ATP1A1: variants seen among roughly 807,000 people sequenced by gnomAD.
The protein encoded by ATP1A1 is sodium/potassium-transporting ATPase subunit alpha-1.
In ATP1A1, 14 loss-of-function variants were observed where a neutral mutation model predicts 114.8. The ratio of observed to expected loss-of-function variants is 0.12; its 90% CI spans 0.08 to 0.19. ATP1A1 has a LOEUF of 0.19. Ranked by LOEUF, ATP1A1 falls within the 10% of genes least tolerant of loss-of-function variation. ATP1A1 has a pLI of 1.00. For missense variants in ATP1A1, 524 were observed against 1,290.7 expected (o/e 0.41, Z 9.10); for synonymous variants, 471 against 466.3 (o/e 1.01, Z -0.13).
chr1:116,400,783 G>A (rs1409804481), intron 18 of ATP1A1, 78 bp from the exon 19 acceptor site: 5 of 1,540,766 alleles, frequency 3.2e-6, no homozygotes, highest in Non-Finnish European at 3.5e-6. Context: ...TCCCAGGCCT[G>A]CTGCAGTAAT....
Position 116,401,790 on chromosome 1 carries a change from G to A in ATP1A1, c.2951+135G>A, listed in dbSNP as rs1178356085. On this transcript the variant is annotated intron_variant, in intron 21 of 22. Transcript: ENST00000295598. This position sits in a 1 kb window ranked among gnomAD's most constrained non-coding sequence, Gnocchi z 4.7. Reference sequence around the variant, plus strand: ...AAAAATTCCTATGGGTTGGAAAACTGTGAAAGCTTGACATGTCAGTAAATC... The same window carrying A: ...AAAAATTCCTATGGGTTGGAAAACTATGAAAGCTTGACATGTCAGTAAATC... 1 of 792,242 alleles carries A rather than the reference G, an allele frequency of 1.3e-6. No individual in the cohort carries two copies. The highest frequency in any genetic ancestry group is 1.7e-5 in the African/African-American group (1 of 57,868). The allele number at this position is 792,242 out of a possible 1,614,324, so 49.1% of individuals were successfully genotyped here.
chr1:116,401,731 AGTT>A lies in ATP1A1; in HGVS notation c.2951+80_2951+82del. 2 of 1,445,768 alleles carry A rather than the reference AGTT, an allele frequency of 1.4e-6. No homozygotes were observed. The highest frequency in any genetic ancestry group is 1.4e-5 in the African/African-American group (1 of 70,640). The allele number at this position is 1,445,768 out of a possible 1,614,324, so 89.6% of individuals were successfully genotyped here. On this transcript the variant is annotated intron_variant, in intron 21 of 22. Coordinates refer to ENST00000295598, the MANE Select transcript of ATP1A1 (RefSeq NM_000701.8). This position sits in a 1 kb window ranked among gnomAD's most constrained non-coding sequence, Gnocchi z 4.7. ...TTTTCCCCCCATTACTTGTGGTAATAGTTGTTATTTTCAGAATTTTGAGTGGTA... is the reference window on the plus strand; with the variant it reads ...TTTTCCCCCCATTACTTGTGGTAATAGTTATTTTCAGAATTTTGAGTGGTA...
chr1:116,373,311 G>C lies in ATP1A1; in HGVS notation c.-201G>C. 1 of 446,096 alleles carries C rather than the reference G, an allele frequency of 2.2e-6. No individual in the cohort carries two copies. Among genetic ancestry groups the C allele is most frequent in the South Asian group, 5.3e-5 (1 of 19,010 alleles). 27.6% of individuals were successfully genotyped at this position (446,096 alleles called of 1,614,324 possible). On this transcript the variant is annotated 5_prime_UTR_variant, in exon 1 of 23. Transcript: ENST00000295598. ...AGGCGGACACGTGGCAACAGCGGTA[G>C]CAGCCCGGGCGGCGGCAGCAACAGC...
At position 116,401,668 on chromosome 1, in the gene ATP1A1, T is replaced by G. The variant is rs764417483; in HGVS notation, c.2951+13T>G. The G allele has an allele frequency of 6.2e-7, 1 of 1,607,610 alleles. No individual in the cohort carries two copies. Among genetic ancestry groups the G allele is most frequent in the South Asian group, 1.1e-5 (1 of 90,602 alleles). ...TGTATCCCCTCAAGTAAGTTGATCC[T>G]CTGGTAGCTCCAAAAAGTATGAAAT... On this transcript the variant is annotated intron_variant, in intron 21 of 22. Coordinates refer to ENST00000295598, the MANE Select transcript of ATP1A1 (RefSeq NM_000701.8). This position sits in a 1 kb window ranked among gnomAD's most constrained non-coding sequence, Gnocchi z 4.7.
chr1:116,388,004 G>A lies in ATP1A1; in HGVS notation c.388-127G>A. On this transcript the variant is annotated intron_variant, in intron 4 of 22. Transcript: ENST00000295598. This position sits in a 1 kb window ranked among gnomAD's most constrained non-coding sequence, Gnocchi z 5.6. The stretch of plus-strand genomic sequence containing the variant: ...TTTAGAAGGATAAATAAGAAAACAT[G>A]AGTTCTATATTTCTGAAATCTTGGT... 1 of 653,808 alleles carries A rather than the reference G, an allele frequency of 1.5e-6. No individual in the cohort carries two copies. Among genetic ancestry groups the A allele is most frequent in the Non-Finnish European group, 2.6e-6 (1 of 379,016 alleles). 40.5% of individuals were successfully genotyped at this position (653,808 alleles called of 1,614,324 possible).
intron 1 of ATP1A1, among the ~76,000 whole-genome samples, 176 bp downstream of exon 1, chr1:116,373,699 C>T (rs1407039044): frequency 1.4e-5 from 2 of 145,228 alleles, no homozygotes; most frequent in African/African-American, 2.6e-5. Flanking sequence ...ATGGAGGGAG[C>T]GCAGTAACGG....
In ATP1A1 at chr1:116,390,394, C is replaced by T. The variant is rs1165006226; in HGVS notation, c.1205C>T (p.Thr402Met). ...WFDNQIHEAD[T>M]TENQSGVSFD... ...GACAATCAAATCCATGAAGCTGATA[C>T]GACAGAGAATCAGAGTGGTAAGGCC... The change falls in exon 9 of 23, where the codon ACG becomes ATG. Residue 402 changes from threonine (T) to methionine (M), a missense_variant. Physicochemically the swap from Thr to Met is moderately conservative, Grantham distance 81. Coordinates refer to ENST00000295598, the MANE Select transcript of ATP1A1 (RefSeq NM_000701.8). 3.7e-6 allele frequency: 6 copies of T among 1,614,044 alleles called. No homozygotes were observed. Among genetic ancestry groups the T allele is most frequent in the Admixed American group, 1.7e-5 (1 of 60,018 alleles).
intron 21 of ATP1A1, among the ~76,000 whole-genome samples, chr1:116,403,401 A>C (rs1480112927): frequency 6.6e-6 from 1 of 152,226 alleles, no homozygotes; most frequent in African/African-American, 2.4e-5. Flanking sequence ...CACAGAGCTG[A>C]TATCCCAAAT....
rs1362655950 is a variant in ATP1A1, at chr1:116,401,341, A to G, written c.2849+81A>G. Reference sequence around the variant, plus strand: ...GTAAACCCTTTGCCAAAAACTAAACATATGACACATATAGCCAGGTTTCTG... The same window carrying G: ...GTAAACCCTTTGCCAAAAACTAAACGTATGACACATATAGCCAGGTTTCTG... On this transcript the variant is annotated intron_variant, in intron 20 of 22. Transcript: ENST00000295598. The surrounding 1 kb of genome is among the most constrained non-coding windows in gnomAD (Gnocchi z 4.7). 2 of 1,594,474 alleles carry G rather than the reference A, an allele frequency of 1.3e-6. No homozygotes were observed. Among genetic ancestry groups the G allele is most frequent in the African/African-American group, 1.3e-5 (1 of 74,412 alleles).
At chr1:116,396,469 A>G (rs977731210) in intron 13 of ATP1A1, 129 bp from the exon 14 acceptor site, 4 of 1,202,260 alleles carry the variant, frequency 3.3e-6, no homozygotes, top group Non-Finnish European at 4.6e-6. Context: ...TTAGTTTTAT[A>G]TTTGCATTCC....
intron 1 of ATP1A1, chr1:116,374,201 C>A (rs1230913968): frequency 1.3e-6 from 2 of 1,550,866 alleles, no homozygotes; most frequent in Admixed American, 3.9e-5. Context: ...GGGCTGGTGC[C>A]AGAAAGGGTG....
intron 9 of ATP1A1, 120 bp downstream of exon 9, chr1:116,390,531 T>TTC: frequency 9.7e-7 from 1 of 1,035,702 alleles, no homozygotes; most frequent in African/African-American, 2.1e-5. Flanking sequence ...TTTTCTTTCT[T>TTC]TTTTGTTTTT....
chr1:116,402,524 T>C (rs920185842), intron 21 of ATP1A1, among the ~76,000 whole-genome samples: 4 of 152,222 alleles, frequency 2.6e-5, no homozygotes, highest in Non-Finnish European at 4.4e-5. Context: ...ATCAGCCTCA[T>C]TCACTTCCTG....
chr1:116,386,938 AT>A (rs1466192997), intron 3 of ATP1A1, among the ~76,000 whole-genome samples: 4 of 152,202 alleles, frequency 2.6e-5, no homozygotes, highest in African/African-American at 9.7e-5. Context: ...AACTGAATGG[AT>A]TTGTGAAAAT....
chr1:116,384,215 C>A lies in ATP1A1; in HGVS notation c.123+91C>A. The stretch of plus-strand genomic sequence containing the variant: ...CCTCACTGTATTCTTCAAAGAACTG[C>A]TATATATTAAAAGAGATCATAGCAG... On this transcript the variant is annotated intron_variant, in intron 2 of 22. Coordinates refer to ENST00000295598, the MANE Select transcript of ATP1A1 (RefSeq NM_000701.8). This position sits in a 1 kb window ranked among gnomAD's most constrained non-coding sequence, Gnocchi z 5.1. 9.9e-7 allele frequency: 1 copy of A among 1,013,290 alleles called. No individual in the cohort carries two copies. The highest frequency in any genetic ancestry group is 1.5e-6 in the Non-Finnish European group (1 of 675,542). 62.8% of individuals were successfully genotyped at this position (1,013,290 alleles called of 1,614,324 possible).
At position 116,404,680 on chromosome 1, in the gene ATP1A1, CTTTTT is replaced by C; in HGVS notation, c.*237_*241del. The C allele has an allele frequency of 2.3e-6, 3 of 1,281,668 alleles. No homozygotes were observed. Among genetic ancestry groups the C allele is most frequent in the Non-Finnish European group, 2.9e-6 (3 of 1,019,098 alleles). 79.4% of individuals were successfully genotyped at this position (1,281,668 alleles called of 1,614,324 possible). ...GACAGCGGGGAAGGTTTTTATGTGC[CTTTTT>C]GTTTTTGTAAAAAAGGAACACCCGG... On this transcript the variant is annotated 3_prime_UTR_variant, in exon 23 of 23. Transcript: ENST00000295598. The surrounding 1 kb of genome is among the most constrained non-coding windows in gnomAD (Gnocchi z 4.8).
chr1:116,403,398 C>CT (rs1205112107), intron 21 of ATP1A1, among the ~76,000 whole-genome samples: 1 of 152,208 alleles, frequency 6.6e-6, no homozygotes, highest in African/African-American at 2.4e-5. Flanking sequence ...GAACACAGAG[C>CT]TGATATCCCA....
At chr1:116,394,220 A>G (rs1307140552) in intron 12 of ATP1A1, among the ~76,000 whole-genome samples, 1 of 152,126 alleles carries the variant, frequency 6.6e-6, no homozygotes, top group African/African-American at 2.4e-5. Context: ...CTAAGATGCT[A>G]CCTATTTTTT....
Position 116,374,002 on chromosome 1 carries a change from C to T in ATP1A1, c.12+479C>T, listed in dbSNP as rs1198130516. 15 of 1,354,464 alleles carry T rather than the reference C, an allele frequency of 1.1e-5. No homozygotes were observed. The Admixed American group carries it at 3.2e-4, about 28-fold the overall frequency. The allele number at this position is 1,354,464 out of a possible 1,614,324, so 83.9% of individuals were successfully genotyped here. A position where few individuals can be genotyped will look rare whatever the true frequency, so the allele number is the denominator to read the frequency against. On this transcript the variant is annotated intron_variant, in intron 1 of 22. Coordinates refer to ENST00000295598, the MANE Select transcript of ATP1A1 (RefSeq NM_000701.8). ...AGGAAAGGCGCGCTCCTCCCCTTCC[C>T]CTGGGGCGCTCCGCCGGGGCCTCCT...
Sources: gnomAD v4.1 joint callset for allele counts (sites outside exome capture counted in the v4.1 genomes callset) on GRCh38, gnomAD v4.1.1 for gene constraint, Gnocchi (gnomAD v3.1) non-coding constraint, MANE v1.5 for transcripts, NCBI Gene and HGNC (gene_info 2026-07-23, HGNC 2026-07-21) for gene names.